CCDC73: variants seen among roughly 807,000 people sequenced by gnomAD.
The protein encoded by CCDC73 is coiled-coil domain containing 73, also known as coiled-coil domain-containing protein 73.
In CCDC73, 95 loss-of-function variants were observed where a neutral mutation model predicts 116.5. The observed-to-expected ratio is 0.82, with a 90% CI of 0.69 to 0.97. CCDC73 has a LOEUF of 0.97. Ranked by LOEUF, CCDC73 falls within the 50% of genes least tolerant of loss-of-function variation. CCDC73 has a pLI of 0.00. For missense variants in CCDC73, 1,066 were observed against 1,206.8 expected (o/e 0.88, Z 1.73); for synonymous variants, 398 against 401.3 (o/e 0.99, Z 0.10).
intron 7 of CCDC73, chr11:32,681,941 A>G (rs1856149268): frequency 6.6e-6 from 1 of 151,906 alleles, no homozygotes; most frequent in Non-Finnish European, 1.5e-5. Flanking sequence ...TTAAATATAT[A>G]TACCAACATA....
intron 3 of CCDC73, among the ~76,000 whole-genome samples, chr11:32,712,992 A>G (rs1051606974): frequency 2.6e-5 from 4 of 152,086 alleles, no homozygotes; most frequent in Non-Finnish European, 5.9e-5. Context: ...AATAAGTGTT[A>G]CTCATAGACA....
chr11:32,650,900 A>G (rs1269254886), intron 12 of CCDC73, among the ~76,000 whole-genome samples: 1 of 152,218 alleles, frequency 6.6e-6, no homozygotes, highest in Non-Finnish European at 1.5e-5. Context: ...GTGCTACTAA[A>G]GGTACTAAAA....
chr11:32,667,528 TG>T (rs1855997212), intron 9 of CCDC73, among the ~76,000 whole-genome samples: 1 of 151,802 alleles, frequency 6.6e-6, no homozygotes, highest in African/African-American at 2.4e-5. Flanking sequence ...AGTATTAGGG[TG>T]GGAGTGACCC....
intron 2 of CCDC73, among the ~76,000 whole-genome samples, chr11:32,735,086 A>C (rs942184248): frequency 1.1e-4 from 16 of 152,348 alleles, no homozygotes; most frequent in African/African-American, 3.6e-4. Flanking sequence ...AAAAACTGAA[A>C]GCATTCCCTT....
chr11:32,645,253 G>A (rs1855766771), intron 12 of CCDC73, among the ~76,000 whole-genome samples: 1 of 151,664 alleles, frequency 6.6e-6, no homozygotes, highest in Non-Finnish European at 1.5e-5. Flanking sequence ...ACCTGCCTGA[G>A]GCTGTTTCAC....
chr11:32,805,607 T>C, the CCDC73 span, among the ~76,000 whole-genome samples: 1 of 152,240 alleles, frequency 6.6e-6, no homozygotes, highest in Admixed American at 6.5e-5. Context: ...GGTAATTTTC[T>C]GAAGAAAATC....
intron 2 of CCDC73, among the ~76,000 whole-genome samples, chr11:32,744,970 TTCTCTAGTTCTTTTAA>T (rs1025409565): frequency 6.6e-6 from 1 of 152,194 alleles, no homozygotes; most frequent in Non-Finnish European, 1.5e-5. Flanking sequence ...TTGCTCCTGC[TTCTCTAGTTCTTTTAA>T]TTGTGATGTT....
Position 32,654,886 on chromosome 11 carries a change from A to T in CCDC73, c.732T>A (p.Ile244=). 1 of 1,598,690 alleles carries T rather than the reference A, an allele frequency of 6.3e-7. No individual in the cohort carries two copies. Among genetic ancestry groups the T allele is most frequent in the South Asian group, 1.1e-5 (1 of 87,860 alleles). Residue 244 remains isoleucine, a synonymous_variant, in exon 10 of 18, where the codon ATT becomes ATA. Coordinates refer to ENST00000335185, the MANE Select transcript of CCDC73 (RefSeq NM_001008391.4). The stretch of plus-strand genomic sequence containing the variant: ...GAAGTTCTTGAAATTTTTGTTCTTT[A>T]ATTGTTAGATTGATGTTTTCTTCTC... The part of the protein sequence containing the change: ...KMGEENINLT[I]KEQKFQELQE...
intron 2 of CCDC73, among the ~76,000 whole-genome samples, chr11:32,732,454 GA>G (rs1850087669): frequency 6.6e-6 from 1 of 152,032 alleles, no homozygotes; most frequent in Admixed American, 6.6e-5. Flanking sequence ...GCAACTCCAA[GA>G]CACATAATTG....
At chr11:32,610,984 T>C in intron 17 of CCDC73, 148 bp downstream of exon 17, 1 of 703,464 alleles carries the variant, frequency 1.4e-6, no homozygotes, top group South Asian at 2.3e-5. Flanking sequence ...TCTATCAACC[T>C]TAATTGTGAA....
intron 9 of CCDC73, among the ~76,000 whole-genome samples, chr11:32,658,313 C>T (rs1357496475): frequency 6.6e-6 from 1 of 152,166 alleles, no homozygotes; most frequent in Admixed American, 6.6e-5. Flanking sequence ...CTGGTCCAAC[C>T]CTGTTTAGTA....
intron 9 of CCDC73, among the ~76,000 whole-genome samples, chr11:32,664,913 G>C (rs1034899446): frequency 2.0e-5 from 3 of 152,128 alleles, no homozygotes; most frequent in Non-Finnish European, 4.4e-5. Flanking sequence ...ATTTCATTAT[G>C]TACCCAGTAG....
chr11:32,634,323 C>T (rs574949416), intron 14 of CCDC73, among the ~76,000 whole-genome samples: 44 of 152,192 alleles, frequency 2.9e-4, no homozygotes, highest in Middle Eastern at 3.4e-3. Flanking sequence ...TAATGATCAA[C>T]TCAAGTTTAT....
At chr11:32,668,692 A>G (rs1017473099) in intron 9 of CCDC73, among the ~76,000 whole-genome samples, 1 of 152,142 alleles carries the variant, frequency 6.6e-6, no homozygotes, top group Admixed American at 6.5e-5. Flanking sequence ...TAGCTACTTT[A>G]CTCCATTCAA....
At chr11:32,774,173 A>T (rs1207333623) in intron 1 of CCDC73, among the ~76,000 whole-genome samples, 1 of 152,174 alleles carries the variant, frequency 6.6e-6, no homozygotes, top group Non-Finnish European at 1.5e-5. Context: ...CAAACTTCTC[A>T]TCTTCTGCAG....
In CCDC73 at chr11:32,690,128, G is replaced by T. The variant is rs192463008; in HGVS notation, c.391-6554C>A. 3.5e-3 allele frequency among the ~76,000 whole-genome samples: 538 copies of T among 152,160 alleles called. 6 individuals carry two copies. Among genetic ancestry groups the T allele is most frequent in the African/African-American group, 0.012 (519 of 41,526 alleles). On this transcript the variant is annotated intron_variant, in intron 6 of 17. Transcript: ENST00000335185. ...GGAGTTTGAAAGGAGAAAATATAAA[G>T]ACTCGTTGGGGAAGGTAATACTTGA...
intron 2 of CCDC73, among the ~76,000 whole-genome samples, chr11:32,750,163 C>T (rs1236306416): frequency 6.6e-6 from 1 of 152,220 alleles, no homozygotes; most frequent in African/African-American, 2.4e-5. Context: ...AGCCAACGCT[C>T]CTGGCCTCTA....
At chr11:32,819,163 ATT>A in the CCDC73 span, among the ~76,000 whole-genome samples, 1 of 148,904 alleles carries the variant, frequency 6.7e-6, no homozygotes, top group Admixed American at 6.7e-5. Context: ...TAGGACAGTG[ATT>A]TTTTTTTTTT....
chr11:32,802,646 A>T, the CCDC73 span, among the ~76,000 whole-genome samples: 2 of 152,268 alleles, frequency 1.3e-5, no homozygotes, highest in African/African-American at 4.8e-5. Flanking sequence ...ATTCCTGGTG[A>T]TTATTACACT....
Sources: allele counts gnomAD v4.1 joint callset (sites outside exome capture counted in the v4.1 genomes callset), GRCh38; gene constraint gnomAD v4.1.1; transcripts MANE v1.5; gene names NCBI Gene and HGNC (gene_info 2026-07-23, HGNC 2026-07-21).